The following R3HCC1L variants were observed in gnomAD, a reference collection of about 807,000 sequenced individuals.
R3HCC1L encodes R3H domain and coiled-coil containing 1 like.
A neutral mutation model predicts 59.9 loss-of-function variants in R3HCC1L; 51 were observed. That is an observed-to-expected ratio of 0.85 (90% CI 0.68 to 1.07). The LOEUF (loss-of-function observed/expected upper bound fraction) is 1.07. Ranked by LOEUF, R3HCC1L falls within the 50% of genes least tolerant of loss-of-function variation. The probability of loss-of-function intolerance (pLI) is 0.00; values close to 1 mark genes in which losing one functional copy is unlikely to be tolerated. For missense variants in R3HCC1L, 965 were observed against 933.0 expected, an observed-to-expected ratio of 1.03 and a Z score of -0.45; for synonymous variants, 322 against 315.2, an observed-to-expected ratio of 1.02 and a Z score of -0.23.
At chr10:98,136,906 C>A (rs1844645038) in intron 1 of R3HCC1L, among the ~76,000 whole-genome samples, 1 of 152,168 alleles carries the variant, frequency 6.6e-6, no homozygotes, top group African/African-American at 2.4e-5. Flanking sequence ...GAATTTTCCA[C>A]TGGTGGTGTC....
chr10:98,150,774 G>C (rs1846077828), intron 1 of R3HCC1L, among the ~76,000 whole-genome samples: 1 of 152,166 alleles, frequency 6.6e-6, no homozygotes, highest in Non-Finnish European at 1.5e-5. Context: ...CTGAGTCACA[G>C]AGCAGAGTTT....
intron 4 of R3HCC1L, among the ~76,000 whole-genome samples, chr10:98,179,512 G>T (rs1373955887): frequency 6.6e-6 from 1 of 152,136 alleles, no homozygotes; most frequent in African/African-American, 2.4e-5. Context: ...AGGGATATTG[G>T]TCTAAAATTC....
At chr10:98,139,542 A>T (rs1285502034) in intron 1 of R3HCC1L, among the ~76,000 whole-genome samples, 1 of 152,228 alleles carries the variant, frequency 6.6e-6, no homozygotes, top group African/African-American at 2.4e-5. Context: ...CTAGTGCAGA[A>T]AACATTTAGA....
chr10:98,153,609 T>TAA (rs1160637755), intron 1 of R3HCC1L, among the ~76,000 whole-genome samples: 18 of 80,984 alleles, frequency 2.2e-4, no homozygotes, highest in Admixed American at 6.8e-4. Flanking sequence ...AATGATCAAT[T>TAA]AAAAAAAAAA....
intron 4 of R3HCC1L, among the ~76,000 whole-genome samples, chr10:98,167,887 A>G (rs1229319835): frequency 2.0e-5 from 3 of 152,250 alleles, no homozygotes; most frequent in African/African-American, 7.2e-5. Flanking sequence ...CTACTTTCAA[A>G]ATTTACCCAG....
chr10:98,240,784 C>T (rs533573117), intron 9 of R3HCC1L, among the ~76,000 whole-genome samples: 22 of 136,328 alleles, frequency 1.6e-4, no homozygotes, highest in African/African-American at 5.5e-4. Flanking sequence ...GTCTGAAGTT[C>T]ATTTCTAACC....
chr10:98,144,150 A>G (rs924260531), intron 1 of R3HCC1L, among the ~76,000 whole-genome samples: 7 of 152,130 alleles, frequency 4.6e-5, no homozygotes, highest in African/African-American at 1.2e-4. Context: ...TACAAAAACA[A>G]AAATGTGGAA....
intron 8 of R3HCC1L, 63 bp from the exon 9 acceptor site, chr10:98,235,961 A>G (rs1159455618): frequency 6.6e-7 from 1 of 1,506,884 alleles, no homozygotes; most frequent in African/African-American, 1.4e-5. Context: ...GAGTTAAATC[A>G]CTTGAAGCTA....
At chr10:98,206,474 G>A (rs974781734) in intron 4 of R3HCC1L, among the ~76,000 whole-genome samples, 1 of 151,766 alleles carries the variant, frequency 6.6e-6, no homozygotes, top group Non-Finnish European at 1.5e-5. Flanking sequence ...TGTCATTTTT[G>A]TGTCAGTTGC....
Position 98,208,402 on chromosome 10 carries a change from A to T in R3HCC1L, c.288A>T (p.Thr96=). The T allele has an allele frequency of 1.9e-6, 3 of 1,613,930 alleles. No homozygotes were observed. The highest frequency in any genetic ancestry group is 2.5e-6 in the Non-Finnish European group (3 of 1,179,978). ...KKSSTKLRMD[T]CLQKTNRVCS... ...CTTCAACAAAATTAAGAATGGACAC[A>T]TGCCTTCAAAAAACAAATAGAGTTT... The change falls in exon 5 of 10, where the codon ACA becomes ACT. Residue 96 remains threonine (T), a synonymous_variant. Transcript: ENST00000298999.
chr10:98,147,035 A>G (rs1251889211), intron 1 of R3HCC1L, among the ~76,000 whole-genome samples: 2 of 152,134 alleles, frequency 1.3e-5, no homozygotes, highest in Non-Finnish European at 2.9e-5. Context: ...ACAGTGTAGG[A>G]GAGTTCCCCT....
In R3HCC1L at chr10:98,154,251, C is replaced by G. The variant is rs531964750; in HGVS notation, c.-267-1842C>G. Among the ~76,000 whole-genome samples the G allele has an allele frequency of 1.1e-4, 17 of 151,080 alleles. No homozygotes were observed. In the South Asian group the frequency reaches 3.4e-3, roughly 30 times the overall value. On this transcript the variant is annotated intron_variant, in intron 1 of 9. Coordinates refer to ENST00000298999, the MANE Select transcript of R3HCC1L (RefSeq NM_001351015.2). Reference sequence around the variant, plus strand: ...ATAGTAAGGCAGTACATCTTAGCCCCATGTGAGGCATTGTGGGGAGCCTCC... The same window carrying G: ...ATAGTAAGGCAGTACATCTTAGCCCGATGTGAGGCATTGTGGGGAGCCTCC...
At chr10:98,240,644 T>G (rs1590856083) in intron 9 of R3HCC1L, among the ~76,000 whole-genome samples, 1 of 152,224 alleles carries the variant, frequency 6.6e-6, no homozygotes, top group East Asian at 1.9e-4. Flanking sequence ...AGTAATAAAT[T>G]TAATCACAGT....
chr10:98,184,280 C>G (rs1426392957), intron 4 of R3HCC1L, among the ~76,000 whole-genome samples: 4 of 152,166 alleles, frequency 2.6e-5, no homozygotes, highest in Admixed American at 1.3e-4. Flanking sequence ...TCTTTGCTCA[C>G]AAACAGTCAT....
intron 5 of R3HCC1L, among the ~76,000 whole-genome samples, chr10:98,227,496 A>C (rs562142894): frequency 2.6e-4 from 39 of 152,120 alleles, no homozygotes; most frequent in Middle Eastern, 3.4e-3. Context: ...GACCTGGGTG[A>C]ACTTTTGATT....
intron 1 of R3HCC1L, among the ~76,000 whole-genome samples, chr10:98,152,730 G>A (rs1393741628): frequency 2.2e-5 from 3 of 138,368 alleles, no homozygotes; most frequent in African/African-American, 7.5e-5. Flanking sequence ...CCCCGTCTGA[G>A]AAGTGAGGAG....
chr10:98,147,810 A>G (rs182095701), intron 1 of R3HCC1L, among the ~76,000 whole-genome samples: 42 of 152,174 alleles, frequency 2.8e-4, no homozygotes, highest in Non-Finnish European at 1.6e-4. Flanking sequence ...TGGTTATCAG[A>G]GTTTTGTAGT....
intron 4 of R3HCC1L, among the ~76,000 whole-genome samples, chr10:98,196,805 G>A (rs978926776): frequency 6.6e-6 from 1 of 152,148 alleles, no homozygotes; most frequent in Non-Finnish European, 1.5e-5. Flanking sequence ...GTCAGATCAT[G>A]TTGAAACCTT....
intron 6 of R3HCC1L, among the ~76,000 whole-genome samples, chr10:98,232,400 A>T (rs1196644998): frequency 6.6e-6 from 1 of 152,216 alleles, no homozygotes; most frequent in Non-Finnish European, 1.5e-5. Context: ...ACACTGATAT[A>T]TGTGGGTTTG....
Sources: gnomAD v4.1 joint callset for allele counts (sites outside exome capture counted in the v4.1 genomes callset) on GRCh38, gnomAD v4.1.1 for gene constraint, MANE v1.5 for transcripts, NCBI Gene and HGNC (gene_info 2026-07-23, HGNC 2026-07-21) for gene names.